USP48: variants seen among roughly 807,000 people sequenced by gnomAD.
The protein encoded by USP48 is ubiquitin carboxyl-terminal hydrolase 48.
Under a neutral mutation model 150.7 loss-of-function variants are expected in USP48, and 43 were observed. The observed-to-expected ratio is 0.29, with a 90% CI of 0.22 to 0.37. USP48 has a LOEUF of 0.37. Ranked by LOEUF, USP48 falls within the 10% of genes least tolerant of loss-of-function variation. The probability of loss-of-function intolerance (pLI) is 1.00; values close to 1 mark genes in which losing one functional copy is unlikely to be tolerated. For missense variants in USP48, 813 were observed against 1,249.6 expected, an observed-to-expected ratio of 0.65 and a Z score of 5.27; for synonymous variants, 396 against 425.9, an observed-to-expected ratio of 0.93 and a Z score of 0.86.
intron 15 of USP48, among the ~76,000 whole-genome samples, chr1:21,710,424 A>C (rs1239312267): frequency 2.6e-5 from 4 of 152,200 alleles, no homozygotes; most frequent in African/African-American, 2.4e-5. Context: ...ACAAAACAAA[A>C]CACAGCCCAT....
At chr1:21,738,316 C>T (rs1187491373) in intron 8 of USP48, among the ~76,000 whole-genome samples, 1 of 150,806 alleles carries the variant, frequency 6.6e-6, no homozygotes, top group Non-Finnish European at 1.5e-5. Flanking sequence ...CCTCGGCCTC[C>T]CAAAGTGCTG....
intron 22 of USP48, among the ~76,000 whole-genome samples, chr1:21,701,160 T>C (rs2097654945): frequency 6.9e-6 from 1 of 145,576 alleles, no homozygotes; most frequent in African/African-American, 2.6e-5. Context: ...AGGTCAGGAG[T>C]TCGAGACCAG....
chr1:21,730,521 C>T (rs961880652), intron 9 of USP48, among the ~76,000 whole-genome samples: 1 of 151,768 alleles, frequency 6.6e-6, no homozygotes, highest in Non-Finnish European at 1.5e-5. Flanking sequence ...ATGGTGAAAA[C>T]CCATCTGTCT....
chr1:21,757,833 A>G lies in USP48; in HGVS notation c.135-50T>C, dbSNP rs1167821405. On this transcript the variant is annotated intron_variant, in intron 1 of 26. Transcript: ENST00000308271. ...ATTTTTAAAAGACCATAGTTTCATG[A>G]GAGACAAACAAATTAAAACTAAAAT... The G allele has an allele frequency of 2.6e-6, 4 of 1,527,518 alleles. No individual in the cohort carries two copies. In the African/African-American group the frequency reaches 4.2e-5, roughly 16 times the overall value. 94.6% of individuals were successfully genotyped at this position (1,527,518 alleles called of 1,614,324 possible). A position where few individuals can be genotyped will look rare whatever the true frequency, so the allele number is the denominator to read the frequency against.
In USP48 at chr1:21,719,693, C is replaced by A. The variant is rs1000753692; in HGVS notation, c.1894+1343G>T. ...GACTAGCCTGGCCAACATGGTGAAA[C>A]CCTGTCTCTTCTAAACATACAAAAT... On this transcript the variant is annotated intron_variant, in intron 14 of 26. Transcript: ENST00000308271. 5.3e-5 allele frequency among the ~76,000 whole-genome samples: 8 copies of A among 152,154 alleles called. No homozygotes were observed. The South Asian group carries it at 1.7e-3, about 32-fold the overall frequency.
chr1:21,757,229 G>C (rs1219856543), intron 2 of USP48, among the ~76,000 whole-genome samples: 5 of 151,820 alleles, frequency 3.3e-5, no homozygotes, highest in Non-Finnish European at 7.4e-5. Flanking sequence ...AACAAACTTG[G>C]ATATTTCGTG....
At chr1:21,762,422 T>C (rs958360254) in intron 1 of USP48, among the ~76,000 whole-genome samples, 10 of 152,264 alleles carry the variant, frequency 6.6e-5, no homozygotes, top group African/African-American at 2.2e-4. Context: ...CTTTGGCAGA[T>C]AGGAAAAAAT....
rs553161492 is a variant in USP48, at chr1:21,772,666, A to AT, written c.134+10157_134+10158insA. On this transcript the variant is annotated intron_variant, in intron 1 of 26. Transcript: ENST00000308271. ...GCCAGGCGTGGTGGCTCGCGCCTAT[A>AT]ATCCCAGCACTTTGAGAGGCCAAGG... 7.1e-4 allele frequency among the ~76,000 whole-genome samples: 108 copies of AT among 151,716 alleles called. 1 individual carries two copies. Among genetic ancestry groups the AT allele is most frequent in the African/African-American group, 2.4e-3 (100 of 41,374 alleles).
intron 11 of USP48, chr1:21,724,686 C>T (rs1353228415): frequency 6.5e-6 from 1 of 153,540 alleles, no homozygotes; most frequent in Non-Finnish European, 1.4e-5. Context: ...CCACCCAAAT[C>T]CAAGTCATGA....
At chr1:21,747,275 A>T in intron 7 of USP48, 126 bp from the exon 8 acceptor site, 1 of 582,834 alleles carries the variant, frequency 1.7e-6, no homozygotes, top group Non-Finnish European at 2.9e-6. Flanking sequence ...CCTCCAAAAC[A>T]TGTACAATTA....
intron 9 of USP48, among the ~76,000 whole-genome samples, chr1:21,734,793 A>G (rs921000379): frequency 1.3e-5 from 2 of 152,220 alleles, no homozygotes; most frequent in Admixed American, 6.5e-5. Flanking sequence ...TACCTGTCTG[A>G]CAGACAATGG....
At chr1:21,700,040 C>T (rs569350829) in intron 22 of USP48, among the ~76,000 whole-genome samples, 25 of 147,600 alleles carry the variant, frequency 1.7e-4, no homozygotes, top group Admixed American at 4.0e-4. Flanking sequence ...TCTCCACAAG[C>T]GTTTGCAGAC....
intron 14 of USP48, among the ~76,000 whole-genome samples, chr1:21,717,149 T>A (rs547497583): frequency 6.6e-6 from 1 of 152,290 alleles, no homozygotes; most frequent in South Asian, 2.1e-4. Context: ...ACGCTTGTAA[T>A]CCCAGCACTT....
At chr1:21,724,508 G>A (rs897972152) in intron 11 of USP48, 20 of 256,266 alleles carry the variant, frequency 7.8e-5, no homozygotes, top group Non-Finnish European at 1.2e-4. Context: ...AATTATTTTT[G>A]TCAGTACTTT....
intron 1 of USP48, among the ~76,000 whole-genome samples, chr1:21,771,190 G>C (rs112891835): frequency 6.6e-6 from 1 of 151,444 alleles, no homozygotes; most frequent in African/African-American, 2.4e-5. Flanking sequence ...CCTGGCCAAC[G>C]TGGTGAAACC....
intron 15 of USP48, among the ~76,000 whole-genome samples, chr1:21,709,013 G>C (rs1391124426): frequency 6.6e-6 from 1 of 151,450 alleles, no homozygotes; most frequent in Non-Finnish European, 1.5e-5. Flanking sequence ...GGGCTCAAGC[G>C]ATCCTCCTGC....
At chr1:21,745,388 C>T (rs1236251797) in intron 8 of USP48, among the ~76,000 whole-genome samples, 2 of 151,784 alleles carry the variant, frequency 1.3e-5, no homozygotes, top group East Asian at 3.9e-4. Flanking sequence ...AGGAGGATCA[C>T]TAGAGCCCAG....
chr1:21,747,243 C>G (rs2097796661), intron 7 of USP48, 94 bp from the exon 8 acceptor site: 1 of 713,424 alleles, frequency 1.4e-6, no homozygotes, highest in African/African-American at 1.8e-5. Context: ...TCAACAGTAG[C>G]TAGCTTTCAC....
chr1:21,691,206 C>T (rs753900835), intron 23 of USP48, among the ~76,000 whole-genome samples: 10 of 149,480 alleles, frequency 6.7e-5, no homozygotes, highest in Non-Finnish European at 1.3e-4. Flanking sequence ...CTCAGCTACT[C>T]GGGAGGCTGA....
Sources: gnomAD v4.1 joint callset for allele counts (sites outside exome capture counted in the v4.1 genomes callset) on GRCh38, gnomAD v4.1.1 for gene constraint, MANE v1.5 for transcripts, NCBI Gene and HGNC (gene_info 2026-07-23, HGNC 2026-07-21) for gene names.